The following CNTN3 variants were observed in gnomAD, a reference collection of about 807,000 sequenced individuals.
CNTN3 encodes the protein contactin 3.
In CNTN3, 60 loss-of-function variants were observed where a neutral mutation model predicts 119.1. The ratio of observed to expected loss-of-function variants is 0.50; its 90% CI spans 0.41 to 0.62. The LOEUF (loss-of-function observed/expected upper bound fraction) is 0.62, where lower values mean the gene tolerates loss of function less well. Among genes scored for constraint, CNTN3 ranks in the 20% least tolerant of loss-of-function variants. The probability of loss-of-function intolerance (pLI) is 0.00; values close to 1 mark genes in which losing one functional copy is unlikely to be tolerated. For missense variants in CNTN3, 1,101 were observed against 1,242.4 expected, an observed-to-expected ratio of 0.89 and a Z score of 1.71; for synonymous variants, 450 against 438.7, an observed-to-expected ratio of 1.03 and a Z score of -0.32.
chr3:74,424,780 C>A (rs1701669523), intron 5 of CNTN3, 65 bp downstream of exon 5: 3 of 1,274,808 alleles, frequency 2.4e-6, no homozygotes, highest in Non-Finnish European at 3.4e-6. Flanking sequence ...AATAACAGTA[C>A]ATGCGCTGCA....
At chr3:74,505,914 A>G (rs879574945) in intron 2 of CNTN3, among the ~76,000 whole-genome samples, 10 of 152,184 alleles carry the variant, frequency 6.6e-5, no homozygotes, top group Non-Finnish European at 1.5e-4. Flanking sequence ...ATAGTTCACT[A>G]CATGATTTTT....
chr3:74,267,848 C>T (rs574523670), intron 20 of CNTN3, among the ~76,000 whole-genome samples: 4 of 152,028 alleles, frequency 2.6e-5, no homozygotes. Flanking sequence ...TTGACGCATA[C>T]AGAGGCTGGA....
intron 20 of CNTN3, among the ~76,000 whole-genome samples, chr3:74,280,726 A>G (rs1701988056): frequency 6.6e-6 from 1 of 152,192 alleles, no homozygotes; most frequent in Non-Finnish European, 1.5e-5. Context: ...CTGGGAAGAG[A>G]GCAATGATCA....
At chr3:74,423,956 T>C (rs1180406786) in intron 5 of CNTN3, among the ~76,000 whole-genome samples, 3 of 152,126 alleles carry the variant, frequency 2.0e-5, no homozygotes, top group African/African-American at 7.2e-5. Flanking sequence ...ACAGAACAAA[T>C]AAAGTCCAGC....
intron 1 of CNTN3, among the ~76,000 whole-genome samples, chr3:74,594,284 T>C (rs528334868): frequency 0.018 from 2,739 of 149,278 alleles, 81 homozygotes; most frequent in African/African-American, 0.065. Context: ...TTTTTTTTTT[T>C]TTTTTTACTT....
intron 9 of CNTN3, 88 bp downstream of exon 9, chr3:74,365,478 G>T: frequency 6.6e-7 from 1 of 1,523,742 alleles, no homozygotes; most frequent in Non-Finnish European, 9.1e-7. Context: ...TGGGACTAGG[G>T]ACTAAAGAAA....
chr3:74,580,774 G>A (rs1444382088), intron 1 of CNTN3, among the ~76,000 whole-genome samples: 1 of 152,142 alleles, frequency 6.6e-6, no homozygotes, highest in Non-Finnish European at 1.5e-5. Flanking sequence ...TACTAGTGGT[G>A]CCAACATGGC....
intron 11 of CNTN3, among the ~76,000 whole-genome samples, chr3:74,355,389 T>C (rs1320353054): frequency 6.6e-6 from 1 of 152,118 alleles, no homozygotes; most frequent in Non-Finnish European, 1.5e-5. Context: ...GGATTGCTGC[T>C]AATGAGGGAT....
intron 4 of CNTN3, among the ~76,000 whole-genome samples, chr3:74,439,459 A>G (rs1701925362): frequency 6.6e-6 from 1 of 152,218 alleles, no homozygotes; most frequent in Admixed American, 6.5e-5. Context: ...GTGAGCTGAG[A>G]TTGAGCCACT....
chr3:74,457,940 C>A (rs1337409504), intron 4 of CNTN3, among the ~76,000 whole-genome samples: 1 of 152,048 alleles, frequency 6.6e-6, no homozygotes, highest in Non-Finnish European at 1.5e-5. Context: ...AAGGCATCTT[C>A]TGTAGTCTCT....
intron 1 of CNTN3, among the ~76,000 whole-genome samples, chr3:74,531,489 GA>G (rs974592653): frequency 6.6e-6 from 1 of 151,956 alleles, no homozygotes; most frequent in African/African-American, 2.4e-5. Flanking sequence ...AATTCTTAGA[GA>G]AAAAGGTCGG....
At chr3:74,381,086 T>TCACA (rs1364214233) in intron 5 of CNTN3, among the ~76,000 whole-genome samples, 10 of 144,858 alleles carry the variant, frequency 6.9e-5, no homozygotes, top group East Asian at 2.0e-4. Context: ...TCTCTCTCTC[T>TCACA]CACACACACA....
intron 1 of CNTN3, among the ~76,000 whole-genome samples, chr3:74,543,544 C>T (rs1242219507): frequency 6.6e-6 from 1 of 151,922 alleles, no homozygotes; most frequent in Non-Finnish European, 1.5e-5. Flanking sequence ...ATGTATTTTC[C>T]AGGTAAAATG....
intron 2 of CNTN3, among the ~76,000 whole-genome samples, chr3:74,501,223 G>A (rs1703161362): frequency 6.6e-6 from 1 of 151,918 alleles, no homozygotes; most frequent in Non-Finnish European, 1.5e-5. Flanking sequence ...GTGATTAAGG[G>A]TGAGAAATTT....
intron 1 of CNTN3, among the ~76,000 whole-genome samples, chr3:74,592,251 G>T (rs1484174391): frequency 6.6e-6 from 1 of 151,878 alleles, no homozygotes; most frequent in Non-Finnish European, 1.5e-5. Context: ...ACTGGAAGAT[G>T]ATCAATGAGA....
At chr3:74,470,189 G>C (rs1280696445) in intron 4 of CNTN3, among the ~76,000 whole-genome samples, 2 of 152,020 alleles carry the variant, frequency 1.3e-5, no homozygotes, top group Non-Finnish European at 2.9e-5. Flanking sequence ...GGGGGTTTTG[G>C]GGGAAATGGA....
chr3:74,501,386 A>G (rs1703164289), intron 2 of CNTN3, among the ~76,000 whole-genome samples: 1 of 151,996 alleles, frequency 6.6e-6, no homozygotes, highest in Non-Finnish European at 1.5e-5. Context: ...GTATTGTCAC[A>G]CATCGATACC....
Position 74,594,658 on chromosome 3 carries a change from G to A in CNTN3, c.-81+19733C>T, listed in dbSNP as rs190362068. ...TTTTTATGGCTGCATAGTATCCCAT[G>A]GTGTATATGTGCCACATTTTCTTAA... On this transcript the variant is annotated intron_variant, in intron 1 of 22. Coordinates refer to ENST00000263665, the MANE Select transcript of CNTN3 (RefSeq NM_020872.3). 5.5e-3 allele frequency among the ~76,000 whole-genome samples: 832 copies of A among 152,164 alleles called. 7 individuals carry two copies. Among genetic ancestry groups the A allele is most frequent in the Middle Eastern group, 0.014 (4 of 294 alleles).
At chr3:74,301,253 T>C (rs1702446946) in intron 16 of CNTN3, 145 bp downstream of exon 16, 1 of 788,410 alleles carries the variant, frequency 1.3e-6, no homozygotes, top group Non-Finnish European at 2.0e-6. Context: ...AAATGCCATA[T>C]GGCCAGTTCT....
Sources: allele counts gnomAD v4.1 joint callset (sites outside exome capture counted in the v4.1 genomes callset), GRCh38; gene constraint gnomAD v4.1.1; transcripts MANE v1.5; gene names NCBI Gene and HGNC (gene_info 2026-07-23, HGNC 2026-07-21).